The following GRID2 variants were observed in gnomAD, a reference collection of about 807,000 sequenced individuals.
The protein encoded by GRID2 is glutamate ionotropic receptor delta type subunit 2.
GRID2 carries 33 observed loss-of-function variants against 114.8 expected under a neutral mutation model. The observed-to-expected ratio is 0.29, with a 90% CI of 0.22 to 0.38. The LOEUF (loss-of-function observed/expected upper bound fraction) is 0.38, where lower values mean the gene tolerates loss of function less well. GRID2 is among the 10% of genes least tolerant of loss of function. The pLI is 1.00. For missense variants in GRID2, 1,184 were observed against 1,257.7 expected, an observed-to-expected ratio of 0.94 and a Z score of 0.89; for synonymous variants, 505 against 449.9, an observed-to-expected ratio of 1.12 and a Z score of -1.55.
At chr4:93,572,926 A>C (rs979795371) in intron 13 of GRID2, among the ~76,000 whole-genome samples, 15 of 152,156 alleles carry the variant, frequency 9.9e-5, no homozygotes, top group African/African-American at 3.6e-4. Context: ...AAGAAGTGTG[A>C]GTCCTAAGGC....
At chr4:92,883,158 T>C (rs576200776) in intron 2 of GRID2, among the ~76,000 whole-genome samples, 5 of 152,332 alleles carry the variant, frequency 3.3e-5, no homozygotes, top group Admixed American at 6.5e-5. Flanking sequence ...AAATCCTCTA[T>C]TGTCATTTCA....
intron 1 of GRID2, among the ~76,000 whole-genome samples, chr4:92,569,578 T>C (rs1376744288): frequency 2.6e-5 from 4 of 152,018 alleles, no homozygotes; most frequent in Non-Finnish European, 5.9e-5. Flanking sequence ...CACTAACTTA[T>C]GTTCCTACCA....
intron 2 of GRID2, among the ~76,000 whole-genome samples, chr4:92,794,905 T>TATATACACACACACAC (rs745392261): frequency 7.8e-6 from 1 of 127,814 alleles, no homozygotes; most frequent in African/African-American, 3.1e-5. Context: ...TATATATATA[T>TATATACACACACACAC]ACACACACAC....
At chr4:92,970,523 T>C (rs748987156) in intron 2 of GRID2, among the ~76,000 whole-genome samples, 2 of 151,982 alleles carry the variant, frequency 1.3e-5, no homozygotes, top group Non-Finnish European at 2.9e-5. Flanking sequence ...ACTAAATCGA[T>C]GATATTTGAC....
At chr4:92,911,587 T>A (rs1210908081) in intron 2 of GRID2, among the ~76,000 whole-genome samples, 1 of 151,852 alleles carries the variant, frequency 6.6e-6, no homozygotes, top group East Asian at 1.9e-4. Context: ...ACAAAACAAA[T>A]TTATACAGGG....
chr4:93,368,682 C>G (rs190506718), intron 8 of GRID2, among the ~76,000 whole-genome samples: 1 of 151,890 alleles, frequency 6.6e-6, no homozygotes, highest in African/African-American at 2.4e-5. Flanking sequence ...TTTTTTAATG[C>G]TAATGAAAAG....
intron 2 of GRID2, among the ~76,000 whole-genome samples, chr4:92,747,579 A>ATCT (rs930226983): frequency 6.6e-6 from 1 of 152,096 alleles, no homozygotes; most frequent in Non-Finnish European, 1.5e-5. Context: ...TATTGCCATT[A>ATCT]TCTTCTTTCT....
chr4:93,055,429 T>C (rs1560832616), intron 2 of GRID2, among the ~76,000 whole-genome samples: 1 of 151,046 alleles, frequency 6.6e-6, no homozygotes, highest in Non-Finnish European at 1.5e-5. Context: ...AGATGACGAG[T>C]TACTGGGTGC....
At chr4:93,466,875 A>G (rs1387254098) in intron 11 of GRID2, among the ~76,000 whole-genome samples, 1 of 152,248 alleles carries the variant, frequency 6.6e-6, no homozygotes, top group African/African-American at 2.4e-5. Flanking sequence ...ATATAGAAAC[A>G]TAACCTATGT....
At chr4:93,516,658 G>A (rs750806360) in intron 13 of GRID2, among the ~76,000 whole-genome samples, 61 of 152,040 alleles carry the variant, frequency 4.0e-4, no homozygotes, top group Admixed American at 9.2e-4. Context: ...TGGGGTTCGG[G>A]TTGAGAGATG....
At chr4:92,511,491 G>T (rs887225870) in intron 1 of GRID2, among the ~76,000 whole-genome samples, 3 of 151,754 alleles carry the variant, frequency 2.0e-5, no homozygotes, top group African/African-American at 7.3e-5. Context: ...AATGAAAGGG[G>T]TCACTATTAG....
At chr4:93,425,005 A>C (rs1163606932) in intron 10 of GRID2, among the ~76,000 whole-genome samples, 1 of 152,056 alleles carries the variant, frequency 6.6e-6, no homozygotes, top group Admixed American at 6.5e-5. Flanking sequence ...CCAGAATTTC[A>C]ATTTTTTGAA....
At chr4:92,946,483 C>T (rs1325038191) in intron 2 of GRID2, among the ~76,000 whole-genome samples, 2 of 151,866 alleles carry the variant, frequency 1.3e-5, no homozygotes, top group Non-Finnish European at 2.9e-5. Context: ...TTCCTAAATA[C>T]CTTTTCTTCC....
chr4:92,379,772 C>A (rs1183387671), intron 1 of GRID2, among the ~76,000 whole-genome samples: 1 of 151,950 alleles, frequency 6.6e-6, no homozygotes, highest in Admixed American at 6.6e-5. Context: ...GAAAACTGAT[C>A]ATTGCTTCTG....
At chr4:93,479,173 C>A (rs766051507) in intron 11 of GRID2, among the ~76,000 whole-genome samples, 1 of 151,742 alleles carries the variant, frequency 6.6e-6, no homozygotes, top group Non-Finnish European at 1.5e-5. Flanking sequence ...TAGCATTATA[C>A]CTAAAAAGCA....
At chr4:93,771,032 C>T (rs1329504393) in intron 15 of GRID2, among the ~76,000 whole-genome samples, 1 of 152,078 alleles carries the variant, frequency 6.6e-6, no homozygotes, top group African/African-American at 2.4e-5. Flanking sequence ...AATACATGCT[C>T]CATTCTAACT....
At chr4:93,171,973 T>G (rs1320120118) in intron 4 of GRID2, among the ~76,000 whole-genome samples, 1 of 152,200 alleles carries the variant, frequency 6.6e-6, no homozygotes, top group Non-Finnish European at 1.5e-5. Flanking sequence ...AATTGCTAGA[T>G]TATCATTATA....
At chr4:93,169,185 A>AC (rs1560947783) in intron 4 of GRID2, among the ~76,000 whole-genome samples, 4 of 126,712 alleles carry the variant, frequency 3.2e-5, no homozygotes, top group Non-Finnish European at 7.0e-5. Flanking sequence ...CACACACACA[A>AC]ACTTAAAATA....
At chr4:93,249,675 A>G (rs1408679231) in intron 8 of GRID2, among the ~76,000 whole-genome samples, 1 of 152,166 alleles carries the variant, frequency 6.6e-6, no homozygotes, top group African/African-American at 2.4e-5. Context: ...CCCATCAAAA[A>G]GTGGGCAAAG....
Sources: gnomAD v4.1 joint callset for allele counts (sites outside exome capture counted in the v4.1 genomes callset) on GRCh38, gnomAD v4.1.1 for gene constraint, MANE v1.5 for transcripts, NCBI Gene and HGNC (gene_info 2026-07-23, HGNC 2026-07-21) for gene names.